NXPE2: variants seen among roughly 807,000 people sequenced by gnomAD.
NXPE2 encodes NXPE family member 2.
Under a neutral mutation model 34.4 loss-of-function variants are expected in NXPE2, and 34 were observed. That is an observed-to-expected ratio of 0.99 (90% CI 0.75 to 1.31). NXPE2 has a LOEUF of 1.31. Among genes scored for constraint, NXPE2 ranks in the 40% most tolerant of loss-of-function variants. The pLI is 0.00. For synonymous variants in NXPE2, 235 were observed against 231.3 expected (o/e 1.02, Z -0.15); for missense variants, 649 against 672.5 (o/e 0.97, Z 0.39).
chr11:114,597,798 C>A, the NXPE2 span, among the ~76,000 whole-genome samples: 7 of 151,968 alleles, frequency 4.6e-5, no homozygotes. Context: ...TCCTGATGAC[C>A]AAAGTTGCAA....
At chr11:114,782,811 A>G in the NXPE2 span, among the ~76,000 whole-genome samples, 1 of 152,160 alleles carries the variant, frequency 6.6e-6, no homozygotes, top group African/African-American at 2.4e-5. Flanking sequence ...GGTCTTTAGC[A>G]CTGATGAAAG....
At chr11:114,639,127 G>A in the NXPE2 span, among the ~76,000 whole-genome samples, 4 of 152,038 alleles carry the variant, frequency 2.6e-5, no homozygotes, top group South Asian at 2.1e-4. Flanking sequence ...CACCCAGTTC[G>A]AGCTTCCCGG....
At chr11:114,495,094 T>A in the NXPE2 span, among the ~76,000 whole-genome samples, 1 of 152,158 alleles carries the variant, frequency 6.6e-6, no homozygotes, top group Non-Finnish European at 1.5e-5. Flanking sequence ...CTGAGTTGCC[T>A]GGAGCTGGGG....
At chr11:114,560,356 G>A in the NXPE2 span, among the ~76,000 whole-genome samples, 1 of 147,210 alleles carries the variant, frequency 6.8e-6, no homozygotes, top group Non-Finnish European at 1.5e-5. Context: ...CTGCAACCTC[G>A]AACTCCTGGG....
At chr11:114,532,389 A>C in the NXPE2 span, among the ~76,000 whole-genome samples, 1 of 152,172 alleles carries the variant, frequency 6.6e-6, no homozygotes, top group African/African-American at 2.4e-5. Context: ...AAAATATAAA[A>C]AACTTACATT....
the NXPE2 span, among the ~76,000 whole-genome samples, chr11:114,501,101 G>T: frequency 1.3e-5 from 2 of 152,196 alleles, no homozygotes; most frequent in African/African-American, 4.8e-5. Context: ...TGTCAGCAAT[G>T]ACGCCAAATA....
At chr11:114,497,961 A>G in the NXPE2 span, among the ~76,000 whole-genome samples, 1 of 152,040 alleles carries the variant, frequency 6.6e-6, no homozygotes, top group Non-Finnish European at 1.5e-5. Flanking sequence ...GAAGTTTGGT[A>G]GTTTTCATTA....
chr11:114,536,339 A>C, the NXPE2 span, among the ~76,000 whole-genome samples: 1 of 152,098 alleles, frequency 6.6e-6, no homozygotes, highest in African/African-American at 2.4e-5. Context: ...AGGAAAGATG[A>C]AAAATTGACA....
intron 2 of NXPE2, among the ~76,000 whole-genome samples, chr11:114,688,217 G>T (rs959655510): frequency 6.6e-6 from 1 of 151,996 alleles, no homozygotes; most frequent in African/African-American, 2.4e-5. Context: ...GTTGGCTGTG[G>T]GTTTGCCATA....
the NXPE2 span, among the ~76,000 whole-genome samples, chr11:114,621,461 A>G: frequency 1.6e-5 from 2 of 127,822 alleles, no homozygotes; most frequent in South Asian, 5.4e-4. Context: ...CCAGTGGATA[A>G]TAAGTATTGC....
chr11:114,477,564 A>T, the NXPE2 span, among the ~76,000 whole-genome samples: 2 of 152,154 alleles, frequency 1.3e-5, no homozygotes, highest in African/African-American at 2.4e-5. Context: ...CTCAATAGTA[A>T]ACCTGAAATT....
chr11:114,724,083 C>T, the NXPE2 span, among the ~76,000 whole-genome samples: 4 of 152,182 alleles, frequency 2.6e-5, no homozygotes, highest in South Asian at 2.1e-4. Flanking sequence ...ACTTGTTGGA[C>T]GGAATAGCAG....
chr11:114,724,860 A>ATTT, the NXPE2 span, among the ~76,000 whole-genome samples: 1 of 124,996 alleles, frequency 8.0e-6, no homozygotes, highest in Admixed American at 7.9e-5. Flanking sequence ...TTTTTTTTTA[A>ATTT]CCCTCCACGT....
chr11:114,737,452 A>G, the NXPE2 span, among the ~76,000 whole-genome samples: 2 of 152,180 alleles, frequency 1.3e-5, no homozygotes, highest in Non-Finnish European at 2.9e-5. Context: ...ATAAAGTATA[A>G]AAATGAATTT....
the NXPE2 span, among the ~76,000 whole-genome samples, chr11:114,539,597 A>T: frequency 2.6e-5 from 4 of 152,212 alleles, no homozygotes; most frequent in African/African-American, 4.8e-5. Context: ...CTCAAAAAAA[A>T]TTAAAAATTT....
the NXPE2 span, among the ~76,000 whole-genome samples, chr11:114,755,073 A>T: frequency 6.6e-6 from 1 of 152,316 alleles, no homozygotes; most frequent in East Asian, 1.9e-4. Flanking sequence ...TATGAGCCTG[A>T]CTGAAGGGTT....
the NXPE2 span, among the ~76,000 whole-genome samples, chr11:114,492,555 T>C: frequency 6.6e-6 from 1 of 151,764 alleles, no homozygotes; most frequent in Non-Finnish European, 1.5e-5. Flanking sequence ...TTTTTTTTTT[T>C]TGACACGGAG....
the NXPE2 span, among the ~76,000 whole-genome samples, chr11:114,764,880 C>T: frequency 1.3e-5 from 2 of 152,118 alleles, no homozygotes; most frequent in African/African-American, 2.4e-5. Context: ...TAATGTACCT[C>T]GTTCTCACCT....
At chr11:114,725,678 A>T in the NXPE2 span, among the ~76,000 whole-genome samples, 1 of 151,888 alleles carries the variant, frequency 6.6e-6, no homozygotes, top group African/African-American at 2.4e-5. Flanking sequence ...CCTTCTTGTC[A>T]GTCTCTCATC....
Sources: allele counts gnomAD v4.1 joint callset (sites outside exome capture counted in the v4.1 genomes callset), GRCh38; gene constraint gnomAD v4.1.1; transcripts MANE v1.5; gene names NCBI Gene and HGNC (gene_info 2026-07-23, HGNC 2026-07-21).